PACRG: variants seen among roughly 807,000 people sequenced by gnomAD.
The protein encoded by PACRG is parkin coregulated gene protein.
Under a neutral mutation model 29.7 loss-of-function variants are expected in PACRG, and 29 were observed. That is an observed-to-expected ratio of 0.98 (90% CI 0.73 to 1.33). The LOEUF (loss-of-function observed/expected upper bound fraction) is 1.33, where lower values mean the gene tolerates loss of function less well. PACRG is among the 40% of genes most tolerant of loss of function. PACRG has a pLI of 0.00. For synonymous variants in PACRG, 116 were observed against 118.7 expected (o/e 0.98, Z 0.15); for missense variants, 279 against 316.2 (o/e 0.88, Z 0.89).
In PACRG at chr6:162,747,474, C is replaced by CTATATATATATATATATATATATATATA. The variant is rs377352285; in HGVS notation, c.156+19102_156+19103insATATATATATATATATATATATATATAT. ...TATAACTATAAATATATATGTAAAACTATATATATATATATATATTCCATT... is the reference window on the plus strand; with the variant it reads ...TATAACTATAAATATATATGTAAAACTATATATATATATATATATATATATATATATATATATATATATATATTCCATT... On this transcript the variant is annotated intron_variant, in intron 1 of 4. Transcript: ENST00000366888. Among the ~76,000 whole-genome samples the CTATATATATATATATATATATATATATA allele has an allele frequency of 7.6e-3, 340 of 44,684 alleles. 50 individuals carry two copies. The highest frequency in any genetic ancestry group is 0.037 in the East Asian group (34 of 918). 29.3% of individuals were successfully genotyped at this position (44,684 alleles called of 152,430 possible). A position where few individuals can be genotyped will look rare whatever the true frequency, so the allele number is the denominator to read the frequency against.
At chr6:163,161,039 T>C (rs1778535052) in intron 4 of PACRG, among the ~76,000 whole-genome samples, 1 of 152,242 alleles carries the variant, frequency 6.6e-6, no homozygotes, top group African/African-American at 2.4e-5. Flanking sequence ...GGATTTAACC[T>C]GTGTGTTAGA....
At chr6:162,879,692 G>T (rs1173830300) in intron 2 of PACRG, among the ~76,000 whole-genome samples, 1 of 152,198 alleles carries the variant, frequency 6.6e-6, no homozygotes, top group Non-Finnish European at 1.5e-5. Context: ...TGTGGGCCAG[G>T]CCCCGAGCTG....
chr6:163,246,497 T>C (rs1295063884), intron 4 of PACRG, among the ~76,000 whole-genome samples: 1 of 152,210 alleles, frequency 6.6e-6, no homozygotes, highest in East Asian at 1.9e-4. Context: ...TTCTTCATAA[T>C]ATTTACAACC....
chr6:162,790,089 A>G (rs921924344), intron 1 of PACRG, among the ~76,000 whole-genome samples: 15 of 152,218 alleles, frequency 9.9e-5, no homozygotes, highest in Non-Finnish European at 2.9e-5. Flanking sequence ...TTCTAAAAGT[A>G]GCAAATTATA....
At chr6:162,888,077 C>T (rs1584664870) in intron 2 of PACRG, among the ~76,000 whole-genome samples, 2 of 152,180 alleles carry the variant, frequency 1.3e-5, no homozygotes, top group East Asian at 3.9e-4. Flanking sequence ...GTCGTGTCCT[C>T]ATATGCTGGT....
At chr6:162,734,770 C>T (rs1485170831) in intron 1 of PACRG, among the ~76,000 whole-genome samples, 1 of 152,188 alleles carries the variant, frequency 6.6e-6, no homozygotes, top group Non-Finnish European at 1.5e-5. Context: ...TTTCTTACAA[C>T]AGTTCTCTCA....
At chr6:163,241,189 G>A (rs186281010) in intron 4 of PACRG, among the ~76,000 whole-genome samples, 15 of 152,236 alleles carry the variant, frequency 9.9e-5, no homozygotes, top group African/African-American at 3.4e-4. Flanking sequence ...AAGGTGAAAG[G>A]TACTGCTGAA....
intron 2 of PACRG, among the ~76,000 whole-genome samples, chr6:162,860,289 GTAATT>G (rs891805574): frequency 2.6e-5 from 4 of 152,118 alleles, no homozygotes; most frequent in African/African-American, 9.7e-5. Flanking sequence ...CTAAAATGGA[GTAATT>G]TAAAGTTAAA....
intron 1 of PACRG, among the ~76,000 whole-genome samples, chr6:162,771,579 A>G (rs999674866): frequency 1.3e-5 from 2 of 151,696 alleles, no homozygotes; most frequent in Non-Finnish European, 1.5e-5. Context: ...TGTATTTTGT[A>G]CTTTTTTTTT....
chr6:163,269,823 GAAA>G (rs1373747326), intron 4 of PACRG, among the ~76,000 whole-genome samples: 8 of 27,972 alleles, frequency 2.9e-4, no homozygotes, highest in African/African-American at 6.6e-4. Flanking sequence ...GAAGGAAGGA[GAAA>G]GAAAGAAAGA....
At chr6:162,765,985 T>C (rs1013222473) in intron 1 of PACRG, among the ~76,000 whole-genome samples, 1 of 152,226 alleles carries the variant, frequency 6.6e-6, no homozygotes, top group Non-Finnish European at 1.5e-5. Flanking sequence ...TACAATGTCA[T>C]GTGTCAAGAT....
chr6:162,795,343 T>C (rs192496870), intron 1 of PACRG, among the ~76,000 whole-genome samples: 2 of 152,308 alleles, frequency 1.3e-5, no homozygotes, highest in African/African-American at 2.4e-5. Flanking sequence ...TGGAACTAAT[T>C]CTGTTGTAAA....
At position 162,777,304 on chromosome 6, in the gene PACRG, C is replaced by G. The variant is rs1783727637; in HGVS notation, c.157-36843C>G. ...TGCTCACAGGCCTCTGCTGTGTTCC[C>G]TGTGGCACCTTCGCAGACTGAGTGG... On this transcript the variant is annotated intron_variant, in intron 1 of 4. Coordinates refer to ENST00000366888, the MANE Select transcript of PACRG (RefSeq NM_001080379.2). This position sits in a 1 kb window ranked among gnomAD's most constrained non-coding sequence, Gnocchi z 4.0. 6.6e-6 allele frequency among the ~76,000 whole-genome samples: 1 copy of G among 152,180 alleles called. No individual in the cohort carries two copies. Among genetic ancestry groups the G allele is most frequent in the African/African-American group, 2.4e-5 (1 of 41,440 alleles).
chr6:163,057,204 A>G (rs954009557), intron 2 of PACRG, among the ~76,000 whole-genome samples: 3 of 152,218 alleles, frequency 2.0e-5, no homozygotes, highest in Non-Finnish European at 4.4e-5. Flanking sequence ...ACAGCAAATA[A>G]TTCAGGATTT....
intron 2 of PACRG, among the ~76,000 whole-genome samples, chr6:162,957,045 A>G (rs553767580): frequency 1.3e-5 from 2 of 152,226 alleles, no homozygotes; most frequent in Admixed American, 1.3e-4. Context: ...CGTTTAAAAA[A>G]AAAAAACCAA....
chr6:163,172,581 G>T (rs1040425712), intron 4 of PACRG, among the ~76,000 whole-genome samples: 1 of 152,146 alleles, frequency 6.6e-6, no homozygotes, highest in Non-Finnish European at 1.5e-5. Flanking sequence ...AGAATGCAGC[G>T]TTCATTGATT....
intron 4 of PACRG, among the ~76,000 whole-genome samples, chr6:163,129,572 AG>A (rs1816651633): frequency 6.6e-6 from 1 of 152,214 alleles, no homozygotes; most frequent in Non-Finnish European, 1.5e-5. Flanking sequence ...TTATGATTAG[AG>A]GTGACACAGT....
At chr6:163,098,969 C>T (rs781578429) in intron 4 of PACRG, among the ~76,000 whole-genome samples, 11 of 152,074 alleles carry the variant, frequency 7.2e-5, no homozygotes, top group East Asian at 1.9e-4. Context: ...GGGTTTGGGC[C>T]GGCTTCTTTA....
chr6:163,271,061 C>A (rs965920485), intron 4 of PACRG, among the ~76,000 whole-genome samples: 10 of 152,160 alleles, frequency 6.6e-5, no homozygotes, highest in African/African-American at 2.4e-4. Context: ...GTAGGGAAGC[C>A]AACAGTGCAG....
Sources: gnomAD v4.1 joint callset for allele counts (sites outside exome capture counted in the v4.1 genomes callset) on GRCh38, gnomAD v4.1.1 for gene constraint, Gnocchi (gnomAD v3.1) non-coding constraint, MANE v1.5 for transcripts, NCBI Gene and HGNC (gene_info 2026-07-23, HGNC 2026-07-21) for gene names.